Variants in EYA4 observed in about 807,000 individuals in gnomAD.
EYA4 encodes the protein protein phosphatase EYA4.
EYA4 carries 31 observed loss-of-function variants against 87.9 expected under a neutral mutation model. That is an observed-to-expected ratio of 0.35 (90% CI 0.27 to 0.48). The LOEUF is 0.48. Ranked by LOEUF, EYA4 falls within the 20% of genes least tolerant of loss-of-function variation. The pLI, the probability that EYA4 is intolerant of heterozygous loss-of-function variation, is 0.99. For synonymous variants in EYA4, 263 were observed against 270.6 expected, an observed-to-expected ratio of 0.97 and a Z score of 0.28; for missense variants, 678 against 761.4, an observed-to-expected ratio of 0.89 and a Z score of 1.29.
intron 2 of EYA4, among the ~76,000 whole-genome samples, chr6:133,286,308 G>GAACTCTTAGGCAT (rs1228644964): frequency 6.6e-6 from 1 of 152,174 alleles, no homozygotes; most frequent in African/African-American, 2.4e-5. Flanking sequence ...ATATGCATCA[G>GAACTCTTAGGCAT]ATGTAACCAT....
chr6:133,357,220 G>A (rs1424799846), intron 2 of EYA4, among the ~76,000 whole-genome samples: 1 of 131,478 alleles, frequency 7.6e-6, no homozygotes, highest in East Asian at 2.3e-4. Context: ...GCAGTGAGCC[G>A]AGATCCCGCC....
chr6:133,523,044 T>A lies in EYA4; in HGVS notation c.1617-12T>A. Reference sequence around the variant, plus strand: ...TTAGAAAACAAACATGTATATTTCCTCCCTATTTTAGGAGTAACTGCATAA... The same window carrying A: ...TTAGAAAACAAACATGTATATTTCCACCCTATTTTAGGAGTAACTGCATAA... On this transcript the variant is annotated splice_polypyrimidine_tract_variant and intron_variant, in intron 17 of 19. Coordinates refer to ENST00000355286, the MANE Select transcript of EYA4 (RefSeq NM_004100.5). 1 of 1,604,944 alleles carries A rather than the reference T, an allele frequency of 6.2e-7. No individual in the cohort carries two copies. Among genetic ancestry groups the A allele is most frequent in the South Asian group, 1.1e-5 (1 of 90,890 alleles).
chr6:133,255,689 CATT>C (rs1480491963), intron 1 of EYA4, among the ~76,000 whole-genome samples: 1 of 151,814 alleles, frequency 6.6e-6, no homozygotes, highest in Non-Finnish European at 1.5e-5. Context: ...CCAATAGGAT[CATT>C]GATTTCCTTA....
chr6:133,352,886 A>C (rs1783742252), intron 2 of EYA4, among the ~76,000 whole-genome samples: 1 of 152,198 alleles, frequency 6.6e-6, no homozygotes, highest in South Asian at 2.1e-4. Flanking sequence ...CCACTAACAA[A>C]GCTTCACATG....
intron 13 of EYA4, among the ~76,000 whole-genome samples, chr6:133,498,188 A>G (rs182791297): frequency 1.1e-4 from 16 of 152,304 alleles, no homozygotes; most frequent in Admixed American, 3.3e-4. Context: ...CAAGTGTTAG[A>G]ACCATGGATC....
intron 3 of EYA4, among the ~76,000 whole-genome samples, chr6:133,422,992 G>A (rs930129956): frequency 1.3e-5 from 2 of 152,124 alleles, no homozygotes; most frequent in African/African-American, 2.4e-5. Context: ...CATCCCAAAG[G>A]AGAGATGTGT....
intron 5 of EYA4, among the ~76,000 whole-genome samples, chr6:133,449,055 C>T (rs930878889): frequency 2.0e-5 from 3 of 152,172 alleles, no homozygotes; most frequent in Admixed American, 1.3e-4. Flanking sequence ...TAATGTTTTT[C>T]AATTTTATAC....
At chr6:133,521,222 A>G (rs1333794455) in intron 17 of EYA4, among the ~76,000 whole-genome samples, 1 of 152,048 alleles carries the variant, frequency 6.6e-6, no homozygotes, top group Non-Finnish European at 1.5e-5. Flanking sequence ...TCATCTGACA[A>G]AGGGCTGATA....
chr6:133,403,328 C>T (rs185811561), intron 3 of EYA4, among the ~76,000 whole-genome samples: 162 of 152,266 alleles, frequency 1.1e-3, no homozygotes, highest in African/African-American at 3.7e-3. Flanking sequence ...AGAATGAAAA[C>T]TATGAAATAG....
chr6:133,305,306 A>G (rs1779721879), intron 2 of EYA4, among the ~76,000 whole-genome samples: 1 of 152,136 alleles, frequency 6.6e-6, no homozygotes, highest in South Asian at 2.1e-4. Flanking sequence ...TGGGCAAGTA[A>G]TAACATAATA....
intron 2 of EYA4, among the ~76,000 whole-genome samples, chr6:133,338,546 C>T (rs1377440235): frequency 1.3e-5 from 2 of 152,072 alleles, no homozygotes; most frequent in East Asian, 3.8e-4. Context: ...TTTATTTTTA[C>T]CTCTAGGAGT....
intron 2 of EYA4, among the ~76,000 whole-genome samples, chr6:133,315,996 T>C (rs551652404): frequency 4.6e-5 from 7 of 152,242 alleles, no homozygotes; most frequent in Middle Eastern, 3.4e-3. Flanking sequence ...CTAGGCAGCA[T>C]GTACTCCAGA....
At chr6:133,431,255 C>CA (rs1791156959) in intron 3 of EYA4, among the ~76,000 whole-genome samples, 1 of 152,138 alleles carries the variant, frequency 6.6e-6, no homozygotes, top group African/African-American at 2.4e-5. Flanking sequence ...CTCTAAGAGA[C>CA]ATGAGAAGGC....
At chr6:133,388,938 T>G (rs1217233091) in intron 3 of EYA4, among the ~76,000 whole-genome samples, 1 of 152,178 alleles carries the variant, frequency 6.6e-6, no homozygotes, top group Non-Finnish European at 1.5e-5. Context: ...GCCCACGTCC[T>G]TCTGCTTCTG....
intron 2 of EYA4, among the ~76,000 whole-genome samples, chr6:133,302,429 A>G (rs1204397357): frequency 1.3e-5 from 2 of 152,200 alleles, no homozygotes; most frequent in African/African-American, 4.8e-5. Context: ...ACAAAAATTC[A>G]TAACACTTTT....
At chr6:133,374,341 C>A (rs1422088861) in intron 2 of EYA4, among the ~76,000 whole-genome samples, 1 of 151,912 alleles carries the variant, frequency 6.6e-6, no homozygotes, top group Non-Finnish European at 1.5e-5. Flanking sequence ...TGTCTAACCT[C>A]CCTCCCCCAA....
At chr6:133,376,631 A>G (rs1231441109) in intron 2 of EYA4, among the ~76,000 whole-genome samples, 8 of 151,954 alleles carry the variant, frequency 5.3e-5, no homozygotes, top group Admixed American at 4.6e-4. Context: ...AACTTTTTTT[A>G]TGAGTTAATT....
intron 3 of EYA4, among the ~76,000 whole-genome samples, chr6:133,434,013 A>C (rs1447425672): frequency 3.3e-5 from 5 of 152,216 alleles, no homozygotes; most frequent in Non-Finnish European, 5.9e-5. Context: ...GAGAGTTGTA[A>C]TAGCCTTGCC....
At chr6:133,476,940 G>A (rs1203321625) in intron 11 of EYA4, among the ~76,000 whole-genome samples, 1 of 152,014 alleles carries the variant, frequency 6.6e-6, no homozygotes, top group East Asian at 1.9e-4. Context: ...TTGAATCAGG[G>A]GGGCAGTTTC....
Sources: gnomAD v4.1 joint callset for allele counts (sites outside exome capture counted in the v4.1 genomes callset) on GRCh38, gnomAD v4.1.1 for gene constraint, MANE v1.5 for transcripts, NCBI Gene and HGNC (gene_info 2026-07-23, HGNC 2026-07-21) for gene names.